The following CALB2 variants were observed in gnomAD, a reference collection of about 807,000 sequenced individuals.
The protein encoded by CALB2 is calbindin 2, also known as calretinin.
In CALB2, 34 loss-of-function variants were observed where a neutral mutation model predicts 45.9. The observed-to-expected ratio is 0.74, with a 90% confidence interval of 0.56 to 0.99. The LOEUF is 0.99. CALB2 is among the 50% of genes least tolerant of loss of function. The pLI is 0.00. For synonymous variants in CALB2, 142 were observed against 129.6 expected (o/e 1.10, Z -0.65); for missense variants, 344 against 339.3 (o/e 1.01, Z -0.11).
chr16:71,362,644 G>A (rs990575617), intron 1 of CALB2, among the ~76,000 whole-genome samples: 2 of 152,184 alleles, frequency 1.3e-5, no homozygotes, highest in Admixed American at 6.5e-5. Context: ...TGTCCAAGAT[G>A]TATTATTAAG....
chr16:71,383,749 G>C (rs2042528949), intron 6 of CALB2, among the ~76,000 whole-genome samples: 1 of 152,130 alleles, frequency 6.6e-6, no homozygotes. Flanking sequence ...AGCTGCCCCT[G>C]TCCCTGAGGA....
At chr16:71,382,887 A>C in intron 5 of CALB2, 112 bp downstream of exon 5, 1 of 905,940 alleles carries the variant, frequency 1.1e-6, no homozygotes, top group Non-Finnish European at 1.7e-6. Context: ...GCTTAGGAAT[A>C]CTCAGACCTG....
intron 1 of CALB2, 123 bp from the exon 2 acceptor site, chr16:71,372,030 G>T: frequency 1.4e-6 from 1 of 739,628 alleles, no homozygotes; most frequent in Non-Finnish European, 2.4e-6. Flanking sequence ...AGCTCCACTG[G>T]CCTAGACACC....
At chr16:71,359,644 A>G (rs1332740793) in intron 1 of CALB2, among the ~76,000 whole-genome samples, 1 of 151,996 alleles carries the variant, frequency 6.6e-6, no homozygotes, top group Non-Finnish European at 1.5e-5. Context: ...CTCACCCAAA[A>G]AGCAAGGGCC....
intron 1 of CALB2, among the ~76,000 whole-genome samples, chr16:71,360,324 G>A (rs1486663899): frequency 6.6e-6 from 1 of 152,188 alleles, no homozygotes; most frequent in Non-Finnish European, 1.5e-5. Flanking sequence ...AGGGGACTAG[G>A]CATTTGAATA....
At chr16:71,389,223 T>C (rs771002528) in intron 10 of CALB2, among the ~76,000 whole-genome samples, 19 of 152,094 alleles carry the variant, frequency 1.2e-4, no homozygotes, top group Non-Finnish European at 2.2e-4. Flanking sequence ...CTTGCTTAAA[T>C]AGATGAGACT....
chr16:71,361,312 C>T (rs1438364980), intron 1 of CALB2, among the ~76,000 whole-genome samples: 2 of 152,146 alleles, frequency 1.3e-5, no homozygotes, highest in African/African-American at 4.8e-5. Context: ...ACAGCCAAAT[C>T]GGAATTCCAC....
At chr16:71,386,725 G>C (rs562924839) in intron 10 of CALB2, among the ~76,000 whole-genome samples, 2 of 152,324 alleles carry the variant, frequency 1.3e-5, no homozygotes, top group African/African-American at 4.8e-5. Flanking sequence ...AATTCCTTGA[G>C]TTGTCTCACC....
At position 71,382,777 on chromosome 16, in the gene CALB2, T is replaced by C. The variant is rs542260348; in HGVS notation, c.399+2T>C. On this transcript the variant is annotated splice_donor_variant, in intron 5 of 10. Coordinates refer to ENST00000302628, the MANE Select transcript of CALB2 (RefSeq NM_001740.5). LOFTEE classifies it high-confidence loss of function. ...TACATCGAAGCCAATGAGCTCAAGG[T>C]AGGATGGGCCTTGGGGAGGGTGTGA... The C allele has an allele frequency of 1.2e-6, 2 of 1,609,906 alleles. No homozygotes were observed. Among genetic ancestry groups the C allele is most frequent in the South Asian group, 2.2e-5 (2 of 90,328 alleles).
In CALB2 at chr16:71,384,021, TCCCGGTAAGCACCTCACC is replaced by T; in HGVS notation, c.533+2_533+19del. On this transcript the variant is annotated splice_donor_variant and splice_donor_5th_base_variant and coding_sequence_variant and intron_variant, in exon 7 of 11. Transcript: ENST00000302628. LOFTEE classifies it high-confidence loss of function. Reference sequence around the variant, plus strand: ...TGGCAAATTGGGCCTCTCAGAGATGTCCCGGTAAGCACCTCACCCCCGGGGTCACTGATACTGGCTCCC... The same window carrying T: ...TGGCAAATTGGGCCTCTCAGAGATGTCCCGGGGTCACTGATACTGGCTCCC... 6.2e-7 allele frequency: 1 copy of T among 1,613,808 alleles called. No homozygotes were observed. The highest frequency in any genetic ancestry group is 8.5e-7 in the Non-Finnish European group (1 of 1,179,808).
At position 71,374,842 on chromosome 16, in the gene CALB2, C is replaced by A; in HGVS notation, c.261+8C>A. The A allele has an allele frequency of 6.3e-7, 1 of 1,594,438 alleles. No homozygotes were observed. On this transcript the variant is annotated splice_region_variant and intron_variant, in intron 3 of 10. Transcript: ENST00000302628. ...AAAATCGAGATGGCAGAGGTGAGCC[C>A]TGCCTCGCTGGTAAAGAGCTGTGTG...
chr16:71,387,271 G>T (rs2145005999), intron 10 of CALB2, among the ~76,000 whole-genome samples: 1 of 152,312 alleles, frequency 6.6e-6, no homozygotes, highest in Admixed American at 6.5e-5. Context: ...CAAAAGTAAA[G>T]ATTCTGCTGT....
intron 3 of CALB2, among the ~76,000 whole-genome samples, chr16:71,377,378 C>T (rs1247775937): frequency 6.6e-6 from 1 of 152,182 alleles, no homozygotes; most frequent in African/African-American, 2.4e-5. Context: ...TACATGGAAT[C>T]ATCTGTTAAG....
intron 10 of CALB2, 117 bp downstream of exon 10, chr16:71,385,765 C>T: frequency 1.5e-6 from 1 of 655,820 alleles, no homozygotes; most frequent in African/African-American, 1.8e-5. Flanking sequence ...TCTGCCACAG[C>T]AAGGCAATAG....
rs1447467571 is a variant in CALB2, at chr16:71,366,022, C to CT, written c.95-6130dup. On this transcript the variant is annotated intron_variant, in intron 1 of 10. Transcript: ENST00000302628. ...TTTCTTTGTTTTCTTCCCTCTCTCT[C>CT]TCTTTTTTTTTTTTTTTTTTTTGAG... is the stretch of plus-strand genomic sequence containing the variant. Among the ~76,000 whole-genome samples, 25 of 50,540 alleles carry CT rather than the reference C, an allele frequency of 4.9e-4. 5 individuals carry two copies. The highest frequency in any genetic ancestry group is 1.2e-3 in the South Asian group (2 of 1,668). The allele number at this position is 50,540 out of a possible 152,430, so 33.2% of individuals were successfully genotyped here. A position where few individuals can be genotyped will look rare whatever the true frequency, so the allele number is the denominator to read the frequency against.
intron 3 of CALB2, among the ~76,000 whole-genome samples, chr16:71,376,688 T>C (rs1431994670): frequency 6.7e-6 from 1 of 149,854 alleles, no homozygotes; most frequent in Admixed American, 6.6e-5. Flanking sequence ...ACCACATACA[T>C]TCACATACAA....
intron 1 of CALB2, among the ~76,000 whole-genome samples, chr16:71,363,772 G>A (rs1163461880): frequency 6.6e-6 from 1 of 152,180 alleles, no homozygotes; most frequent in Non-Finnish European, 1.5e-5. Context: ...TTATATAAAT[G>A]ACACAACAGT....
intron 1 of CALB2, among the ~76,000 whole-genome samples, chr16:71,370,461 C>T (rs968467094): frequency 6.6e-6 from 1 of 151,570 alleles, no homozygotes; most frequent in South Asian, 2.1e-4. Context: ...CTTTGCTGCA[C>T]AGGAAATCAC....
intron 7 of CALB2, 80 bp from the exon 8 acceptor site, chr16:71,384,259 G>A: frequency 8.3e-7 from 1 of 1,206,364 alleles, no homozygotes; most frequent in Non-Finnish European, 1.2e-6. Flanking sequence ...GTAACTGCAG[G>A]CACCGCCTCT....
Sources: gnomAD v4.1 joint callset for allele counts (sites outside exome capture counted in the v4.1 genomes callset) on GRCh38, gnomAD v4.1.1 for gene constraint, MANE v1.5 for transcripts, NCBI Gene and HGNC (gene_info 2026-07-23, HGNC 2026-07-21) for gene names.